The following PRRC2B variants were observed in gnomAD, a reference collection of about 807,000 sequenced individuals.
PRRC2B encodes proline rich coiled-coil 2B.
In PRRC2B, 68 loss-of-function variants were observed where a neutral mutation model predicts 242.3. The ratio of observed to expected loss-of-function variants is 0.28; its 90% CI spans 0.23 to 0.34. The LOEUF (loss-of-function observed/expected upper bound fraction) is 0.34. Ranked by LOEUF, PRRC2B falls within the 10% of genes least tolerant of loss-of-function variation. PRRC2B has a pLI of 1.00. For missense variants in PRRC2B, 2,835 were observed against 2,954.8 expected, an observed-to-expected ratio of 0.96 and a Z score of 0.94; for synonymous variants, 1,228 against 1,173.6, an observed-to-expected ratio of 1.05 and a Z score of -0.95.
intron 28 of PRRC2B, chr9:131,490,743 G>C: frequency 5.3e-6 from 2 of 378,202 alleles, no homozygotes; most frequent in South Asian, 3.9e-5. Context: ...GCCCAGTCTT[G>C]TTTTTACCAC....
intron 1 of PRRC2B, among the ~76,000 whole-genome samples, chr9:131,402,051 C>A (rs1354552278): frequency 2.6e-5 from 4 of 151,788 alleles, no homozygotes; most frequent in Non-Finnish European, 5.9e-5. Flanking sequence ...GCTCACTGCA[C>A]CTCTACCTCC....
chr9:131,475,896 T>A lies in PRRC2B; in HGVS notation c.3767T>A (p.Val1256Asp), dbSNP rs756953168. The A allele has an allele frequency of 1.7e-5, 27 of 1,613,762 alleles. No homozygotes were observed. Among genetic ancestry groups the A allele is most frequent in the Non-Finnish European group, 2.0e-5 (24 of 1,179,816 alleles). The change falls in exon 16 of 32, where the codon GTC (valine) becomes GAC (aspartate). Residue 1256 changes from valine to aspartate, a missense_variant. Around this residue, in one of 7 missense-constraint regions of PRRC2B, gnomAD observed 1,536 missense variants for 1,483.1 expected, o/e 1.04. Coordinates refer to ENST00000683519, the MANE Select transcript of PRRC2B (RefSeq NM_013318.4). ...GSRRPTDRDYVPDSYRHPDAF... is the reference protein window; with the variant it reads ...GSRRPTDRDYDPDSYRHPDAF... ...CGGCGACCTACAGACAGAGACTATGTCCCAGATTCCTACAGACACCCTGAC... is the reference window on the plus strand; with the variant it reads ...CGGCGACCTACAGACAGAGACTATGACCCAGATTCCTACAGACACCCTGAC...
chr9:131,418,602 C>T (rs1190302402), intron 1 of PRRC2B, among the ~76,000 whole-genome samples: 1 of 152,178 alleles, frequency 6.6e-6, no homozygotes, highest in East Asian at 1.9e-4. Context: ...CAGATTCCAG[C>T]TTGCTCCAGG....
chr9:131,440,032 C>T (rs983694293), intron 5 of PRRC2B, among the ~76,000 whole-genome samples: 3 of 152,028 alleles, frequency 2.0e-5, no homozygotes, highest in Non-Finnish European at 2.9e-5. Context: ...GGATCACAGG[C>T]GCATGCACCA....
rs1419911656 is a variant in PRRC2B, at chr9:131,432,754, A to T, written c.253A>T (p.Thr85Ser). Residue 85 changes from threonine (T) to serine (S), a missense_variant, in exon 3 of 32, where the codon ACG becomes TCG. Physicochemically the swap from Thr to Ser is moderately conservative, Grantham distance 58. Transcript: ENST00000683519. ...CATCGTGATAGTACCCAAGGACGGG[A>T]CGGGATGGGCAAACAAGCAGGATCA... ...PNIVIVPKDG[T>S]GWANKQDQQD... 4 of 1,613,942 alleles carry T rather than the reference A, an allele frequency of 2.5e-6. No individual in the cohort carries two copies. In the African/African-American group the frequency reaches 5.3e-5, roughly 22 times the overall value.
At chr9:131,381,636 G>A (rs1340586635) in intron 1 of PRRC2B, among the ~76,000 whole-genome samples, 1 of 152,058 alleles carries the variant, frequency 6.6e-6, no homozygotes, top group Admixed American at 6.6e-5. Context: ...AGCCAGGATG[G>A]TCTTGATCTC....
In PRRC2B at chr9:131,482,804, C is replaced by G. The variant is rs1270819910; in HGVS notation, c.5270C>G (p.Ala1757Gly). 1 of 1,609,988 alleles carries G rather than the reference C, an allele frequency of 6.2e-7. No homozygotes were observed. Among genetic ancestry groups the G allele is most frequent in the Non-Finnish European group, 8.5e-7 (1 of 1,178,110 alleles). ...SLKNRKGSEG[A>G]ERLQGAVVPP... is the part of the protein sequence containing the mutation. ...AAAAACAGAAAGGGCTCGGAGGGGG[C>G]CGAGCGGCTGCAAGGGGCTGTCGTC... is the stretch of plus-strand genomic sequence containing the variant. Residue 1757 changes from alanine (A) to glycine (G), a missense_variant, in exon 22 of 32, where the codon GCC (alanine) becomes GGC (glycine). Ala to Gly is a moderately conservative substitution (Grantham distance 60). Transcript: ENST00000683519. This position sits in a 1 kb window ranked among gnomAD's most constrained non-coding sequence, Gnocchi z 5.2.
intron 13 of PRRC2B, among the ~76,000 whole-genome samples, chr9:131,468,458 A>G (rs1042843792): frequency 6.6e-6 from 1 of 151,994 alleles, no homozygotes; most frequent in Non-Finnish European, 1.5e-5. Context: ...CTTTATTTTT[A>G]TTTTTTTATA....
chr9:131,481,184 C>T lies in PRRC2B; in HGVS notation c.4901-542C>T, dbSNP rs555460015. Among the ~76,000 whole-genome samples, 186 of 151,564 alleles carry T rather than the reference C, an allele frequency of 1.2e-3. 1 individual carries two copies. The highest frequency in any genetic ancestry group is 3.9e-3 in the African/African-American group (161 of 41,308). On this transcript the variant is annotated intron_variant, in intron 19 of 31. Transcript: ENST00000683519. The stretch of plus-strand genomic sequence containing the variant: ...AATTAGCCGGGCGTGGTGGCGGGCA[C>T]CTATAGTCCCAGCTATTCGGGAGGC...
At chr9:131,427,127 C>T (rs890970747) in intron 1 of PRRC2B, among the ~76,000 whole-genome samples, 6 of 152,302 alleles carry the variant, frequency 3.9e-5, no homozygotes, top group South Asian at 4.1e-4. Context: ...TTTCTTGATA[C>T]GAATTGCATG....
intron 3 of PRRC2B, among the ~76,000 whole-genome samples, chr9:131,433,540 G>A (rs574186378): frequency 6.6e-6 from 1 of 152,348 alleles, no homozygotes; most frequent in African/African-American, 2.4e-5. Flanking sequence ...TTTAGCCAGT[G>A]CTAAGACAAT....
chr9:131,454,843 T>C (rs1421934543), intron 9 of PRRC2B, among the ~76,000 whole-genome samples: 3 of 151,560 alleles, frequency 2.0e-5, no homozygotes, highest in Non-Finnish European at 4.4e-5. Flanking sequence ...ACCATGTTGG[T>C]CAGGCTGGTC....
chr9:131,490,167 G>T (rs114960211), intron 28 of PRRC2B, among the ~76,000 whole-genome samples: 1 of 151,640 alleles, frequency 6.6e-6, no homozygotes, highest in African/African-American at 2.4e-5. Context: ...TTCAAAACTC[G>T]ATTTTCCTCC....
chr9:131,463,171 C>T (rs1486066624), intron 11 of PRRC2B, among the ~76,000 whole-genome samples: 1 of 152,092 alleles, frequency 6.6e-6, no homozygotes. Context: ...GGAAACTGCA[C>T]GCTTCGGTTC....
intron 9 of PRRC2B, among the ~76,000 whole-genome samples, chr9:131,452,103 TC>T (rs1564288316): frequency 6.4e-4 from 3 of 4,686 alleles, no homozygotes; most frequent in Non-Finnish European, 2.2e-3. Flanking sequence ...TTTTGTAAGA[TC>T]AGTATAAGAT....
intron 1 of PRRC2B, among the ~76,000 whole-genome samples, chr9:131,377,389 A>G (rs1836700808): frequency 6.6e-6 from 1 of 152,196 alleles, no homozygotes; most frequent in African/African-American, 2.4e-5. Context: ...TTGGGTTTAC[A>G]GGCGTGAGCC....
intron 1 of PRRC2B, among the ~76,000 whole-genome samples, chr9:131,422,656 G>A (rs2131312517): frequency 6.6e-6 from 1 of 152,306 alleles, no homozygotes; most frequent in Admixed American, 6.5e-5. Context: ...ATTAATTACA[G>A]GGCAGAGATG....
At chr9:131,398,108 A>C (rs1398687090) in intron 1 of PRRC2B, among the ~76,000 whole-genome samples, 2 of 152,150 alleles carry the variant, frequency 1.3e-5, no homozygotes, top group African/African-American at 4.8e-5. Flanking sequence ...TTTCTGGTGA[A>C]ATAGAATTGT....
Position 131,476,431 on chromosome 9 carries a change from G to A in PRRC2B, c.4302G>A (p.Lys1434=). Residue 1434 remains lysine (K), a synonymous_variant, in exon 16 of 32, where the codon AAG becomes AAA. Coordinates refer to ENST00000683519, the MANE Select transcript of PRRC2B (RefSeq NM_013318.4). ...CCGTGGTTGACAGACAGAGCCGAAA[G>A]CTGGAGCCGGGAGGGTTTGGGGAGA... The part of the protein sequence containing the change: ...QRPVVDRQSR[K]LEPGGFGEKP... 1 of 1,612,468 alleles carries A rather than the reference G, an allele frequency of 6.2e-7. No individual in the cohort carries two copies. The highest frequency in any genetic ancestry group is 8.5e-7 in the Non-Finnish European group (1 of 1,179,318).
Sources: allele counts gnomAD v4.1 joint callset (sites outside exome capture counted in the v4.1 genomes callset), GRCh38; gene constraint gnomAD v4.1.1; regional missense constraint gnomAD v4.1.1; non-coding constraint Gnocchi (gnomAD v3.1); transcripts MANE v1.5; gene names NCBI Gene and HGNC (gene_info 2026-07-23, HGNC 2026-07-21).